The following PCDHGA1 variants were observed in gnomAD, a reference collection of about 807,000 sequenced individuals.
The protein encoded by PCDHGA1 is protocadherin gamma-A1.
A neutral mutation model predicts 58.0 loss-of-function variants in PCDHGA1; 32 were observed. The observed-to-expected ratio is 0.55, with a 90% CI of 0.42 to 0.74. PCDHGA1 has a LOEUF of 0.74. Among genes scored for constraint, PCDHGA1 ranks in the 30% least tolerant of loss-of-function variants. The probability of loss-of-function intolerance (pLI) is 0.00; values close to 1 mark genes in which losing one functional copy is unlikely to be tolerated. For synonymous variants in PCDHGA1, 498 were observed against 501.1 expected (o/e 0.99, Z 0.08); for missense variants, 1,205 against 1,182.3 (o/e 1.02, Z -0.28).
At chr5:141,403,836 A>G (rs370798833) in intron 1 of PCDHGA1, 8 of 1,613,670 alleles carry the variant, frequency 5.0e-6, no homozygotes, top group African/African-American at 1.3e-5. Context: ...TTCCAGCTTA[A>G]TGAAAATACT....
At chr5:141,333,391 C>G in intron 1 of PCDHGA1, 1 of 528,032 alleles carries the variant, frequency 1.9e-6, no homozygotes, top group Non-Finnish European at 3.3e-6. Context: ...TTAGAAACGG[C>G]GATCTAGCTT....
At chr5:141,340,652 G>A (rs1024798662) in intron 1 of PCDHGA1, 2 of 1,614,204 alleles carry the variant, frequency 1.2e-6, no homozygotes, top group East Asian at 2.2e-5. Context: ...CAACGCGCCC[G>A]AGATCCTGTA....
At position 141,409,480 on chromosome 5, in the gene PCDHGA1, CAG is replaced by C. The variant is rs761811893; in HGVS notation, c.2421+76376_2421+76377del. 9 of 1,614,002 alleles carry C rather than the reference CAG, an allele frequency of 5.6e-6. No homozygotes were observed. In the Admixed American group the frequency reaches 8.3e-5, roughly 15 times the overall value. On this transcript the variant is annotated intron_variant, in intron 1 of 3. Transcript: ENST00000517417. ...ACAATGTCACCATCGTAGCCACTGA[CAG>C]GGGCAAGCCGCCTCTTTCTTCCAGT...
chr5:141,415,076 G>A (rs772523894), intron 1 of PCDHGA1: 3 of 1,613,462 alleles, frequency 1.9e-6, no homozygotes, highest in South Asian at 1.1e-5. Context: ...CGCACGGCGC[G>A]AGCCCTGCTG....
chr5:141,448,329 A>T (rs1166759766), intron 1 of PCDHGA1, among the ~76,000 whole-genome samples: 1 of 152,146 alleles, frequency 6.6e-6, no homozygotes, highest in Non-Finnish European at 1.5e-5. Context: ...TTGAATCTTT[A>T]TAGCCATGTA....
chr5:141,346,286 G>A (rs962731987), intron 1 of PCDHGA1: 31 of 1,614,092 alleles, frequency 1.9e-5, no homozygotes, highest in Non-Finnish European at 2.3e-5. Flanking sequence ...CTTTCCTGCA[G>A]ACCTATTCCC....
At chr5:141,346,223 C>T (rs376373404) in intron 1 of PCDHGA1, 48 of 1,614,092 alleles carry the variant, frequency 3.0e-5, no homozygotes, top group African/African-American at 2.0e-4. Context: ...CTTCGGGAGG[C>T]GGCTTGGCGA....
chr5:141,372,280 C>T, intron 1 of PCDHGA1: 2 of 1,613,164 alleles, frequency 1.2e-6, no homozygotes, highest in Admixed American at 1.7e-5. Flanking sequence ...GTGCGCACGG[C>T]GCGTACCTTG....
At chr5:141,345,083 G>T in intron 1 of PCDHGA1, 4 of 1,613,942 alleles carry the variant, frequency 2.5e-6, no homozygotes, top group Non-Finnish European at 3.4e-6. Context: ...TTACAATCAC[G>T]TCTCTCACAA....
chr5:141,372,939 G>T (rs1026338118), intron 1 of PCDHGA1: 1 of 824,796 alleles, frequency 1.2e-6, no homozygotes, highest in Non-Finnish European at 1.8e-6. Context: ...GTAGAGTAGG[G>T]TGTCTAGGAA....
At chr5:141,413,390 C>T (rs1373497766) in intron 1 of PCDHGA1, 1 of 1,614,010 alleles carries the variant, frequency 6.2e-7, no homozygotes, top group African/African-American at 1.3e-5. Context: ...CGCATAGTCT[C>T]CAGAGGTAGG....
Position 141,477,553 on chromosome 5 carries a change from A to G in PCDHGA1, c.2422-17254A>G. ...TCCCCGGGGCTCCAATACTAAACCTAAGTGTCTGGGACCCCGACGCCCCGC... is the reference window on the plus strand; with the variant it reads ...TCCCCGGGGCTCCAATACTAAACCTGAGTGTCTGGGACCCCGACGCCCCGC... On this transcript the variant is annotated intron_variant, in intron 1 of 3. Transcript: ENST00000517417. This position sits in a 1 kb window ranked among gnomAD's most constrained non-coding sequence, Gnocchi z 4.9. 5 of 1,614,090 alleles carry G rather than the reference A, an allele frequency of 3.1e-6. No individual in the cohort carries two copies. The highest frequency in any genetic ancestry group is 4.2e-6 in the Non-Finnish European group (5 of 1,180,020).
At chr5:141,509,805 G>A (rs150684746) in intron 3 of PCDHGA1, among the ~76,000 whole-genome samples, 2 of 152,248 alleles carry the variant, frequency 1.3e-5, no homozygotes, top group Middle Eastern at 3.4e-3. Flanking sequence ...GCTTCATAGA[G>A]CCGAGCTCTT....
In PCDHGA1 at chr5:141,332,778, C is replaced by A; in HGVS notation, c.2094C>A (p.Ala698=). 1 of 1,614,094 alleles carries A rather than the reference C, an allele frequency of 6.2e-7. No homozygotes were observed. The highest frequency in any genetic ancestry group is 8.5e-7 in the Non-Finnish European group (1 of 1,179,992). The change falls in exon 1 of 4, where the codon GCC becomes GCA. Residue 698 remains alanine, a synonymous_variant. Transcript: ENST00000517417. This position sits in a 1 kb window ranked among gnomAD's most constrained non-coding sequence, Gnocchi z 4.6. ...DLTLYLVVAA[A]AVSCVFLAFV... is the part of the protein sequence containing the mutation. ...CTCTGTACCTGGTGGTGGCGGCGGC[C>A]GCGGTCTCCTGCGTCTTCCTGGCCT...
chr5:141,371,524 G>T, intron 1 of PCDHGA1: 1 of 1,613,756 alleles, frequency 6.2e-7, no homozygotes, highest in Non-Finnish European at 8.5e-7. Flanking sequence ...CTAGATTCTG[G>T]ATTTAATGGA....
chr5:141,355,523 T>C lies in PCDHGA1; in HGVS notation c.2421+22418T>C, dbSNP rs1170286718. The C allele has an allele frequency of 3.9e-5, 63 of 1,613,962 alleles. No individual in the cohort carries two copies. In the Admixed American group the frequency reaches 1.0e-3, roughly 27 times the overall value. On this transcript the variant is annotated intron_variant, in intron 1 of 3. Transcript: ENST00000517417. ...CCAAACTGTGTGACAAACCTGGAGA[T>C]TCTTCTAGAAGATACAGTGAAGATT...
At chr5:141,366,150 G>A in intron 1 of PCDHGA1, 2 of 1,614,136 alleles carry the variant, frequency 1.2e-6, no homozygotes, top group Non-Finnish European at 1.7e-6. Flanking sequence ...CTGTCCTACC[G>A]CCTGCTTAAG....
chr5:141,416,169 TAA>T (rs1350204040), intron 1 of PCDHGA1: 1 of 152,706 alleles, frequency 6.5e-6, no homozygotes, highest in African/African-American at 2.4e-5. Flanking sequence ...TTGAATATAC[TAA>T]GTTTTTCATT....
rs377414044 is a variant in PCDHGA1, at chr5:141,362,475, C to G, written c.2421+29370C>G. On this transcript the variant is annotated intron_variant, in intron 1 of 3. Coordinates refer to ENST00000517417, the MANE Select transcript of PCDHGA1 (RefSeq NM_018912.3). ...CGGAATTGGTTCCCGCGCAAGATCT[C>G]GTCTGTGACAATGCCTCTTGGGAAC... is the stretch of plus-strand genomic sequence containing the variant. The G allele has an allele frequency of 9.2e-5, 149 of 1,613,908 alleles. 1 individual carries two copies. The highest frequency in any genetic ancestry group is 1.2e-4 in the Non-Finnish European group (143 of 1,179,906).
Sources: gnomAD v4.1 joint callset for allele counts (sites outside exome capture counted in the v4.1 genomes callset) on GRCh38, gnomAD v4.1.1 for gene constraint, Gnocchi (gnomAD v3.1) non-coding constraint, MANE v1.5 for transcripts, NCBI Gene and HGNC (gene_info 2026-07-23, HGNC 2026-07-21) for gene names.